Variants in ADAM18 observed in about 807,000 individuals in gnomAD.
ADAM18 encodes the protein ADAM metallopeptidase domain 18.
ADAM18 carries 117 observed loss-of-function variants against 94.4 expected under a neutral mutation model. That is an observed-to-expected ratio of 1.24 (90% confidence interval 1.07 to 1.45). ADAM18 has a LOEUF of 1.45. ADAM18 is among the 40% of genes most tolerant of loss of function. The pLI is 0.00. For synonymous variants in ADAM18, 327 were observed against 291.6 expected, an observed-to-expected ratio of 1.12 and a Z score of -1.24; for missense variants, 936 against 880.0, an observed-to-expected ratio of 1.06 and a Z score of -0.81.
At chr8:39,673,931 T>A (rs1318225688) in intron 14 of ADAM18, among the ~76,000 whole-genome samples, 1 of 152,188 alleles carries the variant, frequency 6.6e-6, no homozygotes, top group East Asian at 1.9e-4. Context: ...AGTTGTGCGG[T>A]TTTGAGAGAG....
intron 16 of ADAM18, among the ~76,000 whole-genome samples, chr8:39,687,610 G>T (rs536072418): frequency 1.3e-5 from 2 of 152,136 alleles, no homozygotes; most frequent in Middle Eastern, 6.8e-3. Flanking sequence ...CCCAACCCAG[G>T]CCCCTTTCCC....
In ADAM18 at chr8:39,663,816, T is replaced by C. The variant is rs1419248501; in HGVS notation, c.1252T>C (p.Cys418Arg). 1.2e-6 allele frequency: 2 copies of C among 1,612,254 alleles called. No homozygotes were observed. Among genetic ancestry groups the C allele is most frequent in the Admixed American group, 1.7e-5 (1 of 59,682 alleles). Residue 418 changes from cysteine to arginine, a missense_variant, in exon 13 of 20, where the codon TGT becomes CGT. Physicochemically the swap from Cys to Arg is radical, Grantham distance 180. Coordinates refer to ENST00000265707, the MANE Select transcript of ADAM18 (RefSeq NM_014237.3). ...NKNECQFKKC[C>R]DYNTCKLKGS... ...TTAGGAATGTCAATTTAAGAAGTGC[T>C]GTGATTATAACACATGTAAACTGAA...
intron 17 of ADAM18, among the ~76,000 whole-genome samples, chr8:39,696,677 T>C (rs1821935818): frequency 6.6e-6 from 1 of 151,572 alleles, no homozygotes; most frequent in African/African-American, 2.4e-5. Context: ...AATTTGACTG[T>C]AAATGTTAGG....
At chr8:39,709,291 C>A (rs1822328940) in intron 18 of ADAM18, among the ~76,000 whole-genome samples, 1 of 152,182 alleles carries the variant, frequency 6.6e-6, no homozygotes, top group Non-Finnish European at 1.5e-5. Context: ...TGCCATCAAG[C>A]TGTCCTTCTG....
At chr8:39,640,802 T>C (rs1483317033) in intron 10 of ADAM18, among the ~76,000 whole-genome samples, 1 of 132,280 alleles carries the variant, frequency 7.6e-6, no homozygotes, top group Non-Finnish European at 1.7e-5. Flanking sequence ...TTTTTTCATA[T>C]TTTTGGCCAC....
chr8:39,636,633 T>C (rs1820082296), intron 7 of ADAM18, among the ~76,000 whole-genome samples: 2 of 152,098 alleles, frequency 1.3e-5, no homozygotes, highest in South Asian at 4.1e-4. Context: ...ATTTTAATGG[T>C]AAAAGTACCT....
chr8:39,673,311 G>GTAT (rs145285000), intron 14 of ADAM18, among the ~76,000 whole-genome samples: 37 of 151,920 alleles, frequency 2.4e-4, no homozygotes, highest in African/African-American at 7.0e-4. Flanking sequence ...TTTGGCAAGT[G>GTAT]TATTATTATT....
At chr8:39,666,276 G>A (rs1000790477) in intron 13 of ADAM18, among the ~76,000 whole-genome samples, 3 of 152,156 alleles carry the variant, frequency 2.0e-5, no homozygotes, top group Non-Finnish European at 4.4e-5. Context: ...CTGAGCTCAA[G>A]CAATCTATCC....
At chr8:39,700,717 G>A (rs1241881183) in intron 17 of ADAM18, among the ~76,000 whole-genome samples, 1 of 152,044 alleles carries the variant, frequency 6.6e-6, no homozygotes, top group Non-Finnish European at 1.5e-5. Context: ...AAGGTTAAGT[G>A]ATGTAAATAT....
chr8:39,730,050 C>A lies in ADAM18; in HGVS notation c.*110C>A. 1 of 1,072,570 alleles carries A rather than the reference C, an allele frequency of 9.3e-7. No homozygotes were observed. Among genetic ancestry groups the A allele is most frequent in the Non-Finnish European group, 1.4e-6 (1 of 705,806 alleles). 66.4% of individuals were successfully genotyped at this position (1,072,570 alleles called of 1,614,324 possible). A position where few individuals can be genotyped will look rare whatever the true frequency, so the allele number is the denominator to read the frequency against. On this transcript the variant is annotated 3_prime_UTR_variant, in exon 20 of 20. Coordinates refer to ENST00000265707, the MANE Select transcript of ADAM18 (RefSeq NM_014237.3). ...AATGTCAAACTTTTGGAAAATAAAG[C>A]CTGCGTGCCCTCCCATGTGCCTCCT...
intron 14 of ADAM18, among the ~76,000 whole-genome samples, chr8:39,670,930 CCAAT>C (rs1212245610): frequency 1.3e-5 from 2 of 152,154 alleles, no homozygotes; most frequent in East Asian, 3.9e-4. Context: ...CTCTTTTGGC[CCAAT>C]CAAACACACA....
chr8:39,584,731 T>G (rs1266123160), intron 1 of ADAM18, 54 bp downstream of exon 1: 2 of 1,584,762 alleles, frequency 1.3e-6, no homozygotes, highest in African/African-American at 2.7e-5. Flanking sequence ...TGGGCTGGGC[T>G]CTTACTGGGA....
chr8:39,611,313 T>C (rs1006363192), intron 6 of ADAM18: 1 of 576,482 alleles, frequency 1.7e-6, no homozygotes, highest in Non-Finnish European at 2.2e-6. Flanking sequence ...AGTGTGCTTA[T>C]CATGTTTCTA....
In ADAM18 at chr8:39,680,141, T is replaced by C. The variant is rs1490046446; in HGVS notation, c.1736T>C (p.Val579Ala). Residue 579 changes from valine to alanine, a missense_variant, in exon 16 of 20, where the codon GTA becomes GCA. Val to Ala is a moderately conservative substitution (Grantham distance 64, BLOSUM62 0). Transcript: ENST00000265707. ...VYSYIQDHVC[V>A]SIATGSSMRS... ...TCATATATTCAAGACCATGTATGTG[T>C]ATCTATAGCCACTGGTTCCTCCATG... is the stretch of plus-strand genomic sequence containing the variant. 1 of 1,613,874 alleles carries C rather than the reference T, an allele frequency of 6.2e-7. No homozygotes were observed. The highest frequency in any genetic ancestry group is 1.1e-5 in the South Asian group (1 of 91,076).
intron 18 of ADAM18, among the ~76,000 whole-genome samples, chr8:39,720,866 C>T (rs996961921): frequency 6.6e-6 from 1 of 151,298 alleles, no homozygotes; most frequent in Non-Finnish European, 1.5e-5. Context: ...TGACACTTCC[C>T]GTGTATGCAT....
At chr8:39,693,808 A>C (rs1821846700) in intron 17 of ADAM18, among the ~76,000 whole-genome samples, 1 of 151,220 alleles carries the variant, frequency 6.6e-6, no homozygotes, top group African/African-American at 2.4e-5. Flanking sequence ...AAAATGTTTA[A>C]AAAGAAAAAC....
At chr8:39,617,058 A>G (rs1006423442) in intron 6 of ADAM18, among the ~76,000 whole-genome samples, 1 of 152,216 alleles carries the variant, frequency 6.6e-6, no homozygotes, top group African/African-American at 2.4e-5. Context: ...AACAAAAGAA[A>G]CAATCAACAG....
chr8:39,715,033 C>T (rs1822532421), intron 18 of ADAM18, among the ~76,000 whole-genome samples: 1 of 151,970 alleles, frequency 6.6e-6, no homozygotes, highest in African/African-American at 2.4e-5. Flanking sequence ...AAACATTATT[C>T]TCAAGACCAC....
intron 7 of ADAM18, among the ~76,000 whole-genome samples, chr8:39,632,415 G>T (rs956256189): frequency 6.6e-6 from 1 of 151,864 alleles, no homozygotes; most frequent in Non-Finnish European, 1.5e-5. Flanking sequence ...CAAGATTTTT[G>T]TCATGGATAG....
Sources: gnomAD v4.1 joint callset for allele counts (sites outside exome capture counted in the v4.1 genomes callset) on GRCh38, gnomAD v4.1.1 for gene constraint, MANE v1.5 for transcripts, NCBI Gene and HGNC (gene_info 2026-07-23, HGNC 2026-07-21) for gene names.